Variants in ITGBL1 observed in about 807,000 individuals in gnomAD.
ITGBL1 encodes integrin beta-like protein 1.
Under a neutral mutation model 68.5 loss-of-function variants are expected in ITGBL1, and 51 were observed. The observed-to-expected ratio is 0.74, with a 90% CI of 0.59 to 0.94. ITGBL1 has a LOEUF of 0.94. ITGBL1 is among the 40% of genes least tolerant of loss of function. The probability of loss-of-function intolerance (pLI) is 0.00; values close to 1 mark genes in which losing one functional copy is unlikely to be tolerated. For synonymous variants in ITGBL1, 209 were observed against 227.3 expected, an observed-to-expected ratio of 0.92 and a Z score of 0.72; for missense variants, 649 against 647.4, an observed-to-expected ratio of 1.00 and a Z score of -0.03.
At chr13:101,513,392 A>T (rs2049146265) in intron 2 of ITGBL1, among the ~76,000 whole-genome samples, 1 of 152,008 alleles carries the variant, frequency 6.6e-6, no homozygotes, top group Non-Finnish European at 1.5e-5. Flanking sequence ...ACTAAATGAG[A>T]ATTACTGGGT....
At chr13:101,627,068 A>G (rs1264693134) in intron 7 of ITGBL1, among the ~76,000 whole-genome samples, 2 of 152,184 alleles carry the variant, frequency 1.3e-5, no homozygotes, top group African/African-American at 4.8e-5. Flanking sequence ...ATAAAACACG[A>G]GAATTAAATA....
At chr13:101,648,962 A>C (rs2032658088) in intron 7 of ITGBL1, among the ~76,000 whole-genome samples, 1 of 142,758 alleles carries the variant, frequency 7.0e-6, no homozygotes, top group Non-Finnish European at 1.5e-5. Flanking sequence ...CTGTATATGC[A>C]TGATAAGTGA....
chr13:101,544,976 A>G lies in ITGBL1; in HGVS notation c.317-22723A>G, dbSNP rs529219086. Among the ~76,000 whole-genome samples, 5 of 152,284 alleles carry G rather than the reference A, an allele frequency of 3.3e-5. 1 individual carries two copies. The South Asian group carries it at 1.0e-3, about 32-fold the overall frequency. On this transcript the variant is annotated intron_variant, in intron 2 of 10. Coordinates refer to ENST00000376180, the MANE Select transcript of ITGBL1 (RefSeq NM_004791.3). Reference sequence around the variant, plus strand: ...ATCCCTTTCTTTGACTAGGAAAGGGAATTCCCTGACCCCTTGTGCTTCCCG... The same window carrying G: ...ATCCCTTTCTTTGACTAGGAAAGGGGATTCCCTGACCCCTTGTGCTTCCCG...
chr13:101,564,278 C>T (rs910429601), intron 2 of ITGBL1, among the ~76,000 whole-genome samples: 3 of 151,940 alleles, frequency 2.0e-5, no homozygotes, highest in Admixed American at 6.6e-5. Context: ...GTGGTTGTAG[C>T]AGAAGAATAA....
At chr13:101,532,046 T>G (rs1040647461) in intron 2 of ITGBL1, among the ~76,000 whole-genome samples, 3 of 152,174 alleles carry the variant, frequency 2.0e-5, no homozygotes, top group African/African-American at 7.2e-5. Context: ...TTTTATACTT[T>G]TTAATTTACT....
rs528968291 is a variant in ITGBL1, at chr13:101,455,948, TGTGA to T, written c.316+1852_316+1855del. On this transcript the variant is annotated intron_variant, in intron 2 of 10. Transcript: ENST00000376180. Reference sequence around the variant, plus strand: ...GATGCAGCCTTTAACTGGTGAAAGTTGTGAGTGTCGTCAGATTCACTTTCCCTGT... The same window carrying T: ...GATGCAGCCTTTAACTGGTGAAAGTTGTGTCGTCAGATTCACTTTCCCTGT... 1.8e-3 allele frequency among the ~76,000 whole-genome samples: 271 copies of T among 152,318 alleles called. 1 individual carries two copies. The highest frequency in any genetic ancestry group is 6.2e-3 in the African/African-American group (258 of 41,582).
intron 2 of ITGBL1, among the ~76,000 whole-genome samples, chr13:101,522,282 A>T (rs983204395): frequency 1.3e-4 from 20 of 152,186 alleles, no homozygotes; most frequent in Middle Eastern, 3.2e-3. Flanking sequence ...GCATTAAAAA[A>T]TGTCTATATT....
At chr13:101,692,770 T>A in intron 8 of ITGBL1, 69 bp downstream of exon 8, 1 of 948,708 alleles carries the variant, frequency 1.1e-6, no homozygotes, top group Non-Finnish European at 1.7e-6. Flanking sequence ...GTTATTCTAC[T>A]GACTCTTGCT....
chr13:101,641,053 T>C (rs1319625688), intron 7 of ITGBL1, among the ~76,000 whole-genome samples: 1 of 152,232 alleles, frequency 6.6e-6, no homozygotes, highest in African/African-American at 2.4e-5. Flanking sequence ...TCTTTTTTTA[T>C]GCCTATGTTC....
At chr13:101,583,621 T>G (rs1318904672) in intron 6 of ITGBL1, among the ~76,000 whole-genome samples, 1 of 152,136 alleles carries the variant, frequency 6.6e-6, no homozygotes, top group Non-Finnish European at 1.5e-5. Context: ...CATGCCCGTA[T>G]CAAAACATCC....
At chr13:101,471,787 T>C (rs762589768) in intron 2 of ITGBL1, among the ~76,000 whole-genome samples, 11 of 152,122 alleles carry the variant, frequency 7.2e-5, no homozygotes, top group Non-Finnish European at 1.3e-4. Context: ...GCACTTTATA[T>C]CCAAACATCA....
rs142246593 is a variant in ITGBL1, at chr13:101,624,765, G to A, written c.1015+26466G>A. Among the ~76,000 whole-genome samples, 207 of 152,302 alleles carry A rather than the reference G, an allele frequency of 1.4e-3. 1 individual carries two copies. The highest frequency in any genetic ancestry group is 4.7e-3 in the African/African-American group (196 of 41,584). Reference sequence around the variant, plus strand: ...ATTCCCTTTGTTGATGAGTGCTTCCGGAAGGTGAAGGAGAACCTCCCCATC... The same window carrying A: ...ATTCCCTTTGTTGATGAGTGCTTCCAGAAGGTGAAGGAGAACCTCCCCATC... On this transcript the variant is annotated intron_variant, in intron 7 of 10. Transcript: ENST00000376180.
At chr13:101,714,288 C>A in intron 9 of ITGBL1, 150 bp from the exon 10 acceptor site, 1 of 631,798 alleles carries the variant, frequency 1.6e-6, no homozygotes, top group East Asian at 2.7e-5. Flanking sequence ...GTAAGTAAAG[C>A]TCCCCTCTGA....
At position 101,638,340 on chromosome 13, in the gene ITGBL1, C is replaced by A. The variant is rs191606514; in HGVS notation, c.1015+40041C>A. On this transcript the variant is annotated intron_variant, in intron 7 of 10. Transcript: ENST00000376180. ...TTGAAGGTCAAAGGAAAGAGCATACCCTTCCACCTCTCAGTTTGATTTGAG... is the reference window on the plus strand; with the variant it reads ...TTGAAGGTCAAAGGAAAGAGCATACACTTCCACCTCTCAGTTTGATTTGAG... Among the ~76,000 whole-genome samples the A allele has an allele frequency of 5.3e-3, 813 of 152,172 alleles. 3 individuals are homozygous for A. The highest frequency in any genetic ancestry group is 0.014 in the Middle Eastern group (4 of 294).
At chr13:101,615,886 G>T (rs2031336466) in intron 7 of ITGBL1, among the ~76,000 whole-genome samples, 1 of 152,168 alleles carries the variant, frequency 6.6e-6, no homozygotes, top group Non-Finnish European at 1.5e-5. Flanking sequence ...GTGAGAAGGT[G>T]CCATCTATGT....
chr13:101,575,143 T>A (rs1040857820), intron 3 of ITGBL1, among the ~76,000 whole-genome samples: 2 of 152,104 alleles, frequency 1.3e-5, no homozygotes, highest in Non-Finnish European at 2.9e-5. Flanking sequence ...GTTGGATGGC[T>A]ATATGTGGAG....
chr13:101,715,508 T>C (rs2034677641), intron 10 of ITGBL1, 55 bp from the exon 11 acceptor site: 1 of 1,230,966 alleles, frequency 8.1e-7, no homozygotes, highest in Non-Finnish European at 1.2e-6. Flanking sequence ...AATAGCATGT[T>C]TAAATTTGGC....
At chr13:101,498,859 C>G (rs1440096083) in intron 2 of ITGBL1, among the ~76,000 whole-genome samples, 2 of 152,082 alleles carry the variant, frequency 1.3e-5, no homozygotes, top group African/African-American at 2.4e-5. Context: ...ACTCACAGTT[C>G]CATGTGGCTG....
At chr13:101,607,292 T>G (rs2030914822) in intron 7 of ITGBL1, among the ~76,000 whole-genome samples, 1 of 152,056 alleles carries the variant, frequency 6.6e-6, no homozygotes, top group Non-Finnish European at 1.5e-5. Flanking sequence ...ATGGTGCAAG[T>G]TTAAAAAAAA....
Sources: allele counts gnomAD v4.1 joint callset (sites outside exome capture counted in the v4.1 genomes callset), GRCh38; gene constraint gnomAD v4.1.1; transcripts MANE v1.5; gene names NCBI Gene and HGNC (gene_info 2026-07-23, HGNC 2026-07-21).